ZBBX: variants seen among roughly 807,000 people sequenced by gnomAD.
ZBBX encodes zinc finger B-box domain containing.
Under a neutral mutation model 108.5 loss-of-function variants are expected in ZBBX, and 101 were observed. The ratio of observed to expected loss-of-function variants is 0.93; its 90% CI spans 0.79 to 1.10. ZBBX has a LOEUF of 1.10. Ranked by LOEUF, ZBBX falls within the 50% of genes least tolerant of loss-of-function variation. The probability of loss-of-function intolerance (pLI) is 0.00; values close to 1 mark genes in which losing one functional copy is unlikely to be tolerated. For synonymous variants in ZBBX, 356 were observed against 323.4 expected (o/e 1.10, Z -1.08); for missense variants, 1,009 against 941.4 (o/e 1.07, Z -0.94).
At chr3:167,266,832 C>A (rs1725588032) in intron 20 of ZBBX, among the ~76,000 whole-genome samples, 1 of 152,084 alleles carries the variant, frequency 6.6e-6, no homozygotes, top group African/African-American at 2.4e-5. Flanking sequence ...GTATGGGGAG[C>A]CCATTCTTCT....
At chr3:167,223,380 AAAGG>A in the ZBBX span, among the ~76,000 whole-genome samples, 6 of 152,018 alleles carry the variant, frequency 3.9e-5, no homozygotes, top group Admixed American at 2.0e-4. Flanking sequence ...TTCTTTCAAT[AAAGG>A]AATAAAAAGC....
downstream of ZBBX, among the ~76,000 whole-genome samples, chr3:167,236,034 G>T (rs918275219): frequency 6.6e-6 from 1 of 151,712 alleles, no homozygotes; most frequent in African/African-American, 2.4e-5. Flanking sequence ...CGTATTTTAG[G>T]AGGCATAAAT....
intron 18 of ZBBX, among the ~76,000 whole-genome samples, chr3:167,295,017 G>C (rs764837036): frequency 2.0e-5 from 3 of 152,142 alleles, no homozygotes; most frequent in Admixed American, 1.3e-4. Flanking sequence ...AGTTAGAATG[G>C]TGATCATTAA....
the ZBBX span, among the ~76,000 whole-genome samples, chr3:167,180,223 G>T: frequency 2.0e-5 from 3 of 152,312 alleles, no homozygotes; most frequent in East Asian, 5.8e-4. Context: ...CTGTAACTCT[G>T]CCTCAGCCTC....
chr3:167,209,933 T>C, the ZBBX span, among the ~76,000 whole-genome samples: 4 of 151,822 alleles, frequency 2.6e-5, no homozygotes, highest in Non-Finnish European at 4.4e-5. Context: ...CTACTAAAAA[T>C]ACAAAAATCA....
intron 20 of ZBBX, among the ~76,000 whole-genome samples, chr3:167,257,060 T>C (rs182294739): frequency 2.0e-4 from 31 of 152,294 alleles, no homozygotes; most frequent in African/African-American, 7.5e-4. Flanking sequence ...CTGTTCTCCA[T>C]AGTGTTTGAA....
At chr3:167,375,776 C>A (rs1403680374) in intron 2 of ZBBX, among the ~76,000 whole-genome samples, 1 of 151,750 alleles carries the variant, frequency 6.6e-6, no homozygotes, top group Non-Finnish European at 1.5e-5. Flanking sequence ...TAGATCTTCA[C>A]CATTTTGGAG....
intron 1 of ZBBX, among the ~76,000 whole-genome samples, chr3:167,396,062 G>T (rs1748227497): frequency 6.6e-6 from 1 of 151,944 alleles, no homozygotes; most frequent in Admixed American, 6.6e-5. Flanking sequence ...GGAATTCATT[G>T]TTTTCCTGGC....
chr3:167,380,883 C>G (rs911447671), upstream of ZBBX, among the ~76,000 whole-genome samples: 2 of 151,578 alleles, frequency 1.3e-5, no homozygotes, highest in Admixed American at 1.3e-4. Flanking sequence ...CACACACACA[C>G]ACACACACAC....
downstream of ZBBX, among the ~76,000 whole-genome samples, chr3:167,237,728 C>A (rs1720288760): frequency 6.6e-6 from 1 of 151,886 alleles, no homozygotes; most frequent in African/African-American, 2.4e-5. Context: ...CACAGAGGAA[C>A]CTCATGTTTA....
chr3:167,334,038 A>G (rs1739124649), intron 9 of ZBBX, 53 bp from the exon 10 acceptor site: 1 of 1,145,196 alleles, frequency 8.7e-7, no homozygotes, highest in Non-Finnish European at 1.2e-6. Flanking sequence ...AACCTAAATA[A>G]TTTATATACA....
At chr3:167,355,193 T>C (rs1743337651) in intron 8 of ZBBX, among the ~76,000 whole-genome samples, 1 of 152,048 alleles carries the variant, frequency 6.6e-6, no homozygotes, top group Admixed American at 6.6e-5. Flanking sequence ...GTGGAACTTT[T>C]GGGCTTCGTC....
intron 20 of ZBBX, among the ~76,000 whole-genome samples, chr3:167,267,529 G>A (rs1210938295): frequency 1.3e-5 from 2 of 152,124 alleles, no homozygotes; most frequent in Non-Finnish European, 2.9e-5. Context: ...TATTGGAAAG[G>A]TATTGAGAGA....
chr3:167,262,677 C>T (rs945745055), intron 20 of ZBBX, among the ~76,000 whole-genome samples: 1 of 152,144 alleles, frequency 6.6e-6, no homozygotes, highest in Non-Finnish European at 1.5e-5. Context: ...TGGACTTCTT[C>T]GTGGTTCAAT....
At chr3:167,308,715 C>T (rs1734080587) in intron 16 of ZBBX, among the ~76,000 whole-genome samples, 1 of 152,030 alleles carries the variant, frequency 6.6e-6, no homozygotes, top group African/African-American at 2.4e-5. Context: ...AAACTAAGCA[C>T]TAGTTTATAA....
intron 20 of ZBBX, among the ~76,000 whole-genome samples, chr3:167,247,636 T>A (rs1721812726): frequency 6.6e-6 from 1 of 152,142 alleles, no homozygotes; most frequent in Admixed American, 6.5e-5. Context: ...TTTCCAGAGC[T>A]GTAAACATTC....
the ZBBX span, among the ~76,000 whole-genome samples, chr3:167,184,719 G>C: frequency 6.6e-6 from 1 of 152,016 alleles, no homozygotes; most frequent in Admixed American, 6.6e-5. Context: ...GTACCAGCAG[G>C]AACCAGTGGG....
At chr3:167,352,570 C>G (rs1431534947) in intron 8 of ZBBX, among the ~76,000 whole-genome samples, 11 of 151,734 alleles carry the variant, frequency 7.2e-5, no homozygotes, top group African/African-American at 2.7e-4. Flanking sequence ...AAATTGATAC[C>G]AATACCACTG....
chr3:167,277,959 T>C (rs1490491367), intron 20 of ZBBX, among the ~76,000 whole-genome samples: 1 of 149,608 alleles, frequency 6.7e-6, no homozygotes, highest in South Asian at 2.2e-4. Flanking sequence ...TCAAAACCAC[T>C]CAACTACATG....
Sources: allele counts gnomAD v4.1 joint callset (sites outside exome capture counted in the v4.1 genomes callset), GRCh38; gene constraint gnomAD v4.1.1; transcripts MANE v1.5; gene names NCBI Gene and HGNC (gene_info 2026-07-23, HGNC 2026-07-21).